The following PKIG variants were observed in gnomAD, a reference collection of about 807,000 sequenced individuals.
PKIG encodes the protein cAMP-dependent protein kinase inhibitor gamma.
A neutral mutation model predicts 6.8 loss-of-function variants in PKIG; 1 was observed. The observed-to-expected ratio is 0.15, with a 90% confidence interval of 0.05 to 0.69. The LOEUF (loss-of-function observed/expected upper bound fraction) is 0.69. Among genes scored for constraint, PKIG ranks in the 30% least tolerant of loss-of-function variants. The pLI is 0.82. For missense variants in PKIG, 77 were observed against 104.0 expected (o/e 0.74, Z 1.13); for synonymous variants, 39 against 43.0 (o/e 0.91, Z 0.36).
At chr20:44,573,938 GC>G (rs1190822011) in intron 1 of PKIG, among the ~76,000 whole-genome samples, 5 of 152,106 alleles carry the variant, frequency 3.3e-5, no homozygotes, top group African/African-American at 4.8e-5. Context: ...GATAATAATA[GC>G]TAACTTTAAA....
Position 44,618,503 on chromosome 20 carries a change from G to A in PKIG, c.*139G>A, listed in dbSNP as rs1384380518. On this transcript the variant is annotated 3_prime_UTR_variant, in exon 4 of 4. Transcript: ENST00000372886. ...GGCCAGACTGAGAAGGCTCCCCAGA[G>A]GCCTCTGTGGCCTCCACTCCGGGAA... The A allele has an allele frequency of 2.2e-5, 14 of 642,036 alleles. No homozygotes were observed. Among genetic ancestry groups the A allele is most frequent in the Non-Finnish European group, 3.9e-5 (14 of 358,960 alleles). 39.8% of individuals were successfully genotyped at this position (642,036 alleles called of 1,614,324 possible). A position where few individuals can be genotyped will look rare whatever the true frequency, so the allele number is the denominator to read the frequency against.
At chr20:44,612,898 G>C (rs1004058898) in intron 2 of PKIG, among the ~76,000 whole-genome samples, 2 of 152,170 alleles carry the variant, frequency 1.3e-5, no homozygotes, top group Non-Finnish European at 2.9e-5. Flanking sequence ...AAGTACCTCT[G>C]TGTTCATTTC....
chr20:44,550,068 T>A (rs1600843899), intron 1 of PKIG, among the ~76,000 whole-genome samples: 1 of 150,870 alleles, frequency 6.6e-6, no homozygotes, highest in East Asian at 1.9e-4. Context: ...CCTTAGTTTT[T>A]TATGTATTGA....
At chr20:44,540,117 C>T (rs1017140439) in intron 1 of PKIG, among the ~76,000 whole-genome samples, 23 of 151,894 alleles carry the variant, frequency 1.5e-4, no homozygotes, top group Admixed American at 1.1e-3. Flanking sequence ...CATGCCACCA[C>T]GCCTGGCTAA....
At chr20:44,546,375 A>G (rs1171768171) in intron 1 of PKIG, among the ~76,000 whole-genome samples, 1 of 152,126 alleles carries the variant, frequency 6.6e-6, no homozygotes, top group Non-Finnish European at 1.5e-5. Context: ...GAGTTATACC[A>G]TTATTAGTTC....
Position 44,614,886 on chromosome 20 carries a change from C to T in PKIG, c.151+179C>T, listed in dbSNP as rs868604995. 3.1e-5 allele frequency: 20 copies of T among 650,782 alleles called. No homozygotes were observed. The highest frequency in any genetic ancestry group is 4.2e-4 in the Middle Eastern group (1 of 2,362). 40.3% of individuals were successfully genotyped at this position (650,782 alleles called of 1,614,324 possible). A position where few individuals can be genotyped will look rare whatever the true frequency, so the allele number is the denominator to read the frequency against. ...TCTCTAGGTTGGAAGATGTTTGAGTCTCAGGCCCCAAGGACTCCTCTGGAC... is the reference window on the plus strand; with the variant it reads ...TCTCTAGGTTGGAAGATGTTTGAGTTTCAGGCCCCAAGGACTCCTCTGGAC... On this transcript the variant is annotated intron_variant, in intron 3 of 3. Transcript: ENST00000372886. This position sits in a 1 kb window ranked among gnomAD's most constrained non-coding sequence, Gnocchi z 4.6.
At chr20:44,591,650 A>G (rs959702989) in intron 2 of PKIG, among the ~76,000 whole-genome samples, 1 of 152,186 alleles carries the variant, frequency 6.6e-6, no homozygotes, top group East Asian at 1.9e-4. Context: ...AGCAGAGTGT[A>G]CAGGTTGCCT....
chr20:44,591,281 G>T (rs1298341527), intron 2 of PKIG, among the ~76,000 whole-genome samples: 2 of 152,128 alleles, frequency 1.3e-5, no homozygotes, highest in African/African-American at 2.4e-5. Context: ...GTGCAGAGGG[G>T]GTTCCCTGGC....
chr20:44,578,520 C>G (rs1237646049), upstream of PKIG, among the ~76,000 whole-genome samples: 1 of 151,934 alleles, frequency 6.6e-6, no homozygotes, highest in Non-Finnish European at 1.5e-5. Flanking sequence ...GTGCCTGGCC[C>G]TGGTTGTTTA....
intron 2 of PKIG, among the ~76,000 whole-genome samples, chr20:44,608,622 C>T (rs949967608): frequency 5.9e-5 from 9 of 151,772 alleles, no homozygotes; most frequent in Non-Finnish European, 8.8e-5. Flanking sequence ...TTTGAGACCA[C>T]CTTGGTTAAC....
At chr20:44,559,532 A>G (rs1568810633) in intron 1 of PKIG, among the ~76,000 whole-genome samples, 1 of 152,218 alleles carries the variant, frequency 6.6e-6, no homozygotes, top group Non-Finnish European at 1.5e-5. Context: ...GTATGTTGCC[A>G]TCACTGCCCT....
chr20:44,560,946 T>A (rs1275205696), intron 1 of PKIG, among the ~76,000 whole-genome samples: 4 of 152,168 alleles, frequency 2.6e-5, no homozygotes, highest in African/African-American at 9.7e-5. Context: ...AAAAGCCATA[T>A]ACAACAAAAG....
intron 1 of PKIG, among the ~76,000 whole-genome samples, chr20:44,540,624 G>A (rs1453087310): frequency 6.6e-6 from 1 of 151,912 alleles, no homozygotes; most frequent in Non-Finnish European, 1.5e-5. Context: ...AGTTTCCCAG[G>A]CTGGAATGCA....
At chr20:44,588,939 C>T (rs1303170673) in intron 1 of PKIG, among the ~76,000 whole-genome samples, 1 of 152,106 alleles carries the variant, frequency 6.6e-6, no homozygotes, top group Non-Finnish European at 1.5e-5. Context: ...TAAAAGTTTT[C>T]AATCAAAACA....
chr20:44,558,574 T>TTTTTTC lies in PKIG; in HGVS notation c.-240-24008_-240-24007insTTCTTT, dbSNP rs1555835146. On this transcript the variant is annotated intron_variant, in intron 1 of 4. Coordinates refer to the PKIG transcript ENST00000372887. ...ATTTCTTTTTCTTTCTTTTTTTCTT[T>TTTTTTC]TTTCTTTCTTTCTTTCTTTCTTTCT... 3.8e-5 allele frequency among the ~76,000 whole-genome samples: 5 copies of TTTTTTC among 132,002 alleles called. No homozygotes were observed. In the South Asian group the frequency reaches 1.3e-3, roughly 34 times the overall value. 86.6% of individuals were successfully genotyped at this position (132,002 alleles called of 152,430 possible).
At position 44,562,601 on chromosome 20, in the gene PKIG, C is replaced by CAAA. The variant is rs1191493549; in HGVS notation, c.-240-19967_-240-19965dup. ...TAGGGGACACAGTGAGACCCTGTCT[C>CAAA]AAAAAAAAAAAAAAAAAAAGAGTGC... On this transcript the variant is annotated intron_variant, in intron 1 of 4. Coordinates refer to the PKIG transcript ENST00000372887. Among the ~76,000 whole-genome samples the CAAA allele has an allele frequency of 3.4e-3, 199 of 57,732 alleles. 2 individuals carry two copies. Among genetic ancestry groups the CAAA allele is most frequent in the Non-Finnish European group, 4.6e-3 (129 of 28,270 alleles). The allele number at this position is 57,732 out of a possible 152,430, so 37.9% of individuals were successfully genotyped here. A position where few individuals can be genotyped will look rare whatever the true frequency, so the allele number is the denominator to read the frequency against.
chr20:44,591,075 A>T (rs1302207873), intron 2 of PKIG, among the ~76,000 whole-genome samples: 2 of 152,232 alleles, frequency 1.3e-5, no homozygotes, highest in African/African-American at 2.4e-5. Context: ...GGTCTGGCTG[A>T]CAGTAGACTA....
chr20:44,568,484 T>C (rs1419073015), intron 1 of PKIG, among the ~76,000 whole-genome samples: 1 of 152,016 alleles, frequency 6.6e-6, no homozygotes. Flanking sequence ...TTTTTTTTTT[T>C]GAGACAAAGT....
At chr20:44,588,738 A>G (rs191759929) in intron 1 of PKIG, among the ~76,000 whole-genome samples, 1 of 151,940 alleles carries the variant, frequency 6.6e-6, no homozygotes, top group East Asian at 1.9e-4. Flanking sequence ...CTCATTATTG[A>G]TTCTAAAAAT....
Sources: gnomAD v4.1 joint callset for allele counts (sites outside exome capture counted in the v4.1 genomes callset) on GRCh38, gnomAD v4.1.1 for gene constraint, Gnocchi (gnomAD v3.1) non-coding constraint, MANE v1.5 for transcripts, NCBI Gene and HGNC (gene_info 2026-07-23, HGNC 2026-07-21) for gene names.